Variants in SKAP2 observed in about 807,000 individuals in gnomAD.
SKAP2 encodes src kinase associated phosphoprotein 2, also known as src kinase-associated phosphoprotein 2.
A neutral mutation model predicts 54.9 loss-of-function variants in SKAP2; 28 were observed. The observed-to-expected ratio is 0.51, with a 90% CI of 0.38 to 0.70. The LOEUF is 0.70. SKAP2 is among the 30% of genes least tolerant of loss of function. The pLI, the probability that SKAP2 is intolerant of heterozygous loss-of-function variation, is 0.00. For missense variants in SKAP2, 356 were observed against 424.1 expected (o/e 0.84, Z 1.41); for synonymous variants, 137 against 134.3 (o/e 1.02, Z -0.14).
intron 4 of SKAP2, among the ~76,000 whole-genome samples, chr7:26,821,852 G>T (rs1784390131): frequency 6.6e-6 from 1 of 152,104 alleles, no homozygotes; most frequent in South Asian, 2.1e-4. Flanking sequence ...CCAGGCCTGA[G>T]TTCCCCAGAA....
At chr7:26,756,485 T>C (rs1782795959) in intron 4 of SKAP2, among the ~76,000 whole-genome samples, 1 of 152,196 alleles carries the variant, frequency 6.6e-6, no homozygotes, top group Non-Finnish European at 1.5e-5. Context: ...GCTTCATCCA[T>C]GTCCCTACAA....
intron 4 of SKAP2, among the ~76,000 whole-genome samples, chr7:26,799,041 G>C (rs866361960): frequency 2.0e-5 from 3 of 150,004 alleles, no homozygotes; most frequent in South Asian, 4.3e-4. Flanking sequence ...GGGGAAAAGA[G>C]GAGGGGAGGG....
chr7:26,815,983 T>C (rs1784257863), intron 4 of SKAP2, among the ~76,000 whole-genome samples: 1 of 152,158 alleles, frequency 6.6e-6, no homozygotes, highest in Non-Finnish European at 1.5e-5. Flanking sequence ...TTTTGAAATT[T>C]TGCTTGACAT....
chr7:26,726,272 T>C (rs1787706285), intron 7 of SKAP2, among the ~76,000 whole-genome samples: 2 of 152,128 alleles, frequency 1.3e-5, no homozygotes, highest in South Asian at 4.1e-4. Flanking sequence ...AAATTTGCCC[T>C]TGACAATTAG....
chr7:26,670,432 A>G (rs536899740), intron 11 of SKAP2, among the ~76,000 whole-genome samples: 79 of 152,192 alleles, frequency 5.2e-4, no homozygotes, highest in Admixed American at 2.6e-4. Flanking sequence ...ACAATCACTC[A>G]TGATGAAAAC....
chr7:26,668,686 G>A lies in SKAP2; in HGVS notation c.*980C>T, dbSNP rs1434550617. On this transcript the variant is annotated 3_prime_UTR_variant, in exon 13 of 13. Coordinates refer to ENST00000345317, the MANE Select transcript of SKAP2 (RefSeq NM_003930.5). ...TGTTTTTTTTTTTTTTTTTTTCTGA[G>A]ATGGAGTCTCACTCTGTCGCCCAGG... is the stretch of plus-strand genomic sequence containing the variant. The A allele has an allele frequency of 7.8e-6, 1 of 127,628 alleles. No individual in the cohort carries two copies. Among genetic ancestry groups the A allele is most frequent in the African/African-American group, 3.0e-5 (1 of 33,898 alleles). The allele number at this position is 127,628 out of a possible 1,614,324, so 7.9% of individuals were successfully genotyped here.
chr7:26,803,833 T>C (rs7802514), intron 4 of SKAP2, among the ~76,000 whole-genome samples: 45,452 of 151,936 alleles, frequency 0.3, 7,074 homozygotes, highest in Middle Eastern at 0.37. Context: ...TGGATGGAAC[T>C]GGAAATCATT....
At chr7:26,718,641 G>C (rs1019792573) in intron 9 of SKAP2, among the ~76,000 whole-genome samples, 7 of 152,016 alleles carry the variant, frequency 4.6e-5, no homozygotes, top group South Asian at 2.1e-4. Context: ...GAGTAGCCGG[G>C]ACTACAGGCA....
At chr7:26,732,839 A>G (rs1296596135) in intron 6 of SKAP2, among the ~76,000 whole-genome samples, 1 of 152,190 alleles carries the variant, frequency 6.6e-6, no homozygotes, top group Non-Finnish European at 1.5e-5. Context: ...CAAACCAACA[A>G]CATTCGTGGT....
At chr7:26,674,937 GA>G (rs1486634800) in intron 11 of SKAP2, among the ~76,000 whole-genome samples, 1 of 152,142 alleles carries the variant, frequency 6.6e-6, no homozygotes, top group Non-Finnish European at 1.5e-5. Context: ...GTGATTCGCA[GA>G]TAATGTTAGG....
At chr7:26,723,748 A>G (rs1274018965) in intron 9 of SKAP2, among the ~76,000 whole-genome samples, 2 of 152,102 alleles carry the variant, frequency 1.3e-5, no homozygotes, top group East Asian at 3.9e-4. Context: ...AAGTTGAAAA[A>G]ATACAGAACT....
At chr7:26,841,951 T>G (rs1406893077) in intron 4 of SKAP2, among the ~76,000 whole-genome samples, 1 of 151,910 alleles carries the variant, frequency 6.6e-6, no homozygotes, top group African/African-American at 2.4e-5. Flanking sequence ...TTTTTATAAT[T>G]AATATATTAT....
chr7:26,741,451 G>T (rs1782449886), intron 4 of SKAP2, among the ~76,000 whole-genome samples: 1 of 151,772 alleles, frequency 6.6e-6, no homozygotes, highest in South Asian at 2.1e-4. Context: ...GGTCTGAGGT[G>T]GGAGGATCCC....
intron 6 of SKAP2, among the ~76,000 whole-genome samples, chr7:26,728,296 C>T (rs114363351): frequency 0.016 from 2,401 of 152,216 alleles, 52 homozygotes; most frequent in African/African-American, 0.054. Flanking sequence ...ATTTGGGAAA[C>T]GTTTTGCCGA....
chr7:26,804,675 G>T (rs182484357), intron 4 of SKAP2, among the ~76,000 whole-genome samples: 13 of 150,758 alleles, frequency 8.6e-5, no homozygotes, highest in Admixed American at 1.3e-4. Flanking sequence ...GGAGGCGGAG[G>T]TTGCAGTGAG....
intron 6 of SKAP2, among the ~76,000 whole-genome samples, chr7:26,733,646 G>A (rs542823591): frequency 2.0e-5 from 3 of 152,162 alleles, no homozygotes; most frequent in South Asian, 2.1e-4. Context: ...GTGGAGAAGG[G>A]GAGAGCAGGG....
At position 26,845,274 on chromosome 7, in the gene SKAP2, G is replaced by A. The variant is rs559829552; in HGVS notation, c.200-1137C>T. ...GTCCTCTGACACCCATTTGATGGGT[G>A]TCACCCTATTTGTTACCACATTTTT... On this transcript the variant is annotated intron_variant, in intron 3 of 12. Coordinates refer to ENST00000345317, the MANE Select transcript of SKAP2 (RefSeq NM_003930.5). Among the ~76,000 whole-genome samples, 7 of 152,262 alleles carry A rather than the reference G, an allele frequency of 4.6e-5. No homozygotes were observed. In the East Asian group the frequency reaches 1.2e-3, roughly 25 times the overall value.
At chr7:26,834,956 G>C (rs1440937151) in intron 4 of SKAP2, among the ~76,000 whole-genome samples, 2 of 152,270 alleles carry the variant, frequency 1.3e-5, no homozygotes, top group South Asian at 2.1e-4. Flanking sequence ...ATGAAATACT[G>C]GCAAACAAAA....
chr7:26,658,423 T>C, the SKAP2 span, among the ~76,000 whole-genome samples: 1 of 152,308 alleles, frequency 6.6e-6, no homozygotes, highest in Admixed American at 6.5e-5. Flanking sequence ...AATATAAGTT[T>C]CCAAAATGGG....
Sources: gnomAD v4.1 joint callset for allele counts (sites outside exome capture counted in the v4.1 genomes callset) on GRCh38, gnomAD v4.1.1 for gene constraint, MANE v1.5 for transcripts, NCBI Gene and HGNC (gene_info 2026-07-23, HGNC 2026-07-21) for gene names.